NMT2: variants seen among roughly 807,000 people sequenced by gnomAD.
The protein encoded by NMT2 is N-myristoyltransferase 2.
A neutral mutation model predicts 65.4 loss-of-function variants in NMT2; 35 were observed. The observed-to-expected ratio is 0.54, with a 90% CI of 0.41 to 0.71. The LOEUF is 0.71. Ranked by LOEUF, NMT2 falls within the 30% of genes least tolerant of loss-of-function variation. The pLI is 0.00. For synonymous variants in NMT2, 226 were observed against 231.8 expected, an observed-to-expected ratio of 0.98 and a Z score of 0.23; for missense variants, 489 against 611.3, an observed-to-expected ratio of 0.80 and a Z score of 2.11.
At chr10:15,159,399 T>A (rs1833110024) in intron 1 of NMT2, among the ~76,000 whole-genome samples, 1 of 112,890 alleles carries the variant, frequency 8.9e-6, no homozygotes, top group Admixed American at 7.9e-5. Context: ...CCTTAAAATA[T>A]TTATTTATTT....
At chr10:15,157,527 G>A (rs926678381) in intron 1 of NMT2, among the ~76,000 whole-genome samples, 1 of 152,136 alleles carries the variant, frequency 6.6e-6, no homozygotes, top group Non-Finnish European at 1.5e-5. Flanking sequence ...GGGGGCAGGG[G>A]GCAGAGGCTC....
At chr10:15,155,306 G>A in intron 1 of NMT2, 2 of 1,316,330 alleles carry the variant, frequency 1.5e-6, no homozygotes, top group Non-Finnish European at 2.2e-6. Flanking sequence ...TGAAGAACAT[G>A]GTGGGGTTGA....
At chr10:15,116,453 C>G (rs545719661) in intron 9 of NMT2, among the ~76,000 whole-genome samples, 2 of 152,256 alleles carry the variant, frequency 1.3e-5, no homozygotes, top group African/African-American at 4.8e-5. Flanking sequence ...ACTGATAGAA[C>G]TAAATGCTTA....
chr10:15,135,529 C>T (rs1216635717), intron 2 of NMT2, 111 bp from the exon 3 acceptor site: 7 of 1,100,368 alleles, frequency 6.4e-6, no homozygotes, highest in African/African-American at 1.6e-5. Context: ...CACTAACAAT[C>T]CTCCTCCAAG....
At chr10:15,127,546 C>CAAAAAAAAAAAA (rs1239422956) in intron 8 of NMT2, among the ~76,000 whole-genome samples, 102 of 51,230 alleles carry the variant, frequency 2.0e-3, no homozygotes, top group African/African-American at 2.5e-3. Context: ...GACTCCGTCT[C>CAAAAAAAAAAAA]AAAAAAAAAA....
intron 9 of NMT2, among the ~76,000 whole-genome samples, chr10:15,113,876 A>G (rs1589291862): frequency 6.6e-6 from 1 of 152,210 alleles, no homozygotes. Flanking sequence ...AAAGCTTCCA[A>G]TACAAGAAAT....
At chr10:15,124,765 C>G (rs1364312640) in intron 8 of NMT2, among the ~76,000 whole-genome samples, 1 of 152,142 alleles carries the variant, frequency 6.6e-6, no homozygotes, top group Non-Finnish European at 1.5e-5. Context: ...AGGCAGACAC[C>G]CAAGGGACTG....
intron 7 of NMT2, among the ~76,000 whole-genome samples, chr10:15,129,491 A>T (rs760709962): frequency 6.6e-6 from 1 of 152,214 alleles, no homozygotes; most frequent in Non-Finnish European, 1.5e-5. Context: ...ACAAACAAAT[A>T]CATCTGAGGC....
chr10:15,113,063 G>A, intron 9 of NMT2, 100 bp from the exon 10 acceptor site: 1 of 1,236,766 alleles, frequency 8.1e-7, no homozygotes, highest in Non-Finnish European at 1.2e-6. Flanking sequence ...AGAACGAAAA[G>A]CAGTAAGTCA....
At chr10:15,147,873 T>C (rs543706265) in intron 1 of NMT2, among the ~76,000 whole-genome samples, 1 of 152,286 alleles carries the variant, frequency 6.6e-6, no homozygotes, top group Admixed American at 6.5e-5. Flanking sequence ...GTACAAACCA[T>C]AAGAGATAAT....
intron 8 of NMT2, among the ~76,000 whole-genome samples, chr10:15,123,484 G>A (rs1236785822): frequency 2.2e-5 from 3 of 137,530 alleles, no homozygotes; most frequent in Non-Finnish European, 3.0e-5. Flanking sequence ...AGCCAAGATC[G>A]CATCACTGCA....
Position 15,106,641 on chromosome 10 carries a change from G to A in NMT2, c.*2554C>T. 1 of 985,368 alleles carries A rather than the reference G, an allele frequency of 1.0e-6. No homozygotes were observed. Among genetic ancestry groups the A allele is most frequent in the Non-Finnish European group, 1.2e-6 (1 of 829,922 alleles). The allele number at this position is 985,368 out of a possible 1,614,324, so 61.0% of individuals were successfully genotyped here. A position where few individuals can be genotyped will look rare whatever the true frequency, so the allele number is the denominator to read the frequency against. On this transcript the variant is annotated 3_prime_UTR_variant, in exon 12 of 12. Coordinates refer to ENST00000378165, the MANE Select transcript of NMT2 (RefSeq NM_004808.3). ...CTGTGGGTTGGTCTTTAGAATCACGGCAACCTATAGAAAGGAGAGTTCCAA... is the reference window on the plus strand; with the variant it reads ...CTGTGGGTTGGTCTTTAGAATCACGACAACCTATAGAAAGGAGAGTTCCAA...
At chr10:15,127,932 G>A (rs895680569) in intron 8 of NMT2, among the ~76,000 whole-genome samples, 2 of 151,858 alleles carry the variant, frequency 1.3e-5, no homozygotes, top group African/African-American at 4.8e-5. Context: ...TTCACATTGA[G>A]AACGAGATAG....
Position 15,107,837 on chromosome 10 carries a change from C to T in NMT2, c.*1358G>A. 1.0e-6 allele frequency: 1 copy of T among 985,718 alleles called. No homozygotes were observed. The highest frequency in any genetic ancestry group is 6.1e-5 in the Admixed American group (1 of 16,266). The allele number at this position is 985,718 out of a possible 1,614,324, so 61.1% of individuals were successfully genotyped here. On this transcript the variant is annotated 3_prime_UTR_variant, in exon 12 of 12. Transcript: ENST00000378165. Reference sequence around the variant, plus strand: ...TCTTATTTTTCCCGCAGATTATTGGCAATATAAACACACATCTGTAAGCCA... The same window carrying T: ...TCTTATTTTTCCCGCAGATTATTGGTAATATAAACACACATCTGTAAGCCA...
intron 1 of NMT2, among the ~76,000 whole-genome samples, chr10:15,155,768 G>A (rs1832978479): frequency 6.6e-6 from 1 of 151,880 alleles, no homozygotes; most frequent in Admixed American, 6.6e-5. Flanking sequence ...AGCACTTTAT[G>A]GCTTCTCTAT....
At chr10:15,141,225 A>C in intron 2 of NMT2, 197 bp downstream of exon 2, 1 of 798,166 alleles carries the variant, frequency 1.3e-6, no homozygotes. Context: ...CACACACAAA[A>C]GCACAGTGTA....
intron 8 of NMT2, among the ~76,000 whole-genome samples, chr10:15,123,232 A>G (rs1487025262): frequency 3.3e-5 from 5 of 152,216 alleles, no homozygotes; most frequent in African/African-American, 9.6e-5. Context: ...TTGCTGACTA[A>G]TAGCTAAAAT....
At chr10:15,150,262 G>T (rs1224605778) in intron 1 of NMT2, among the ~76,000 whole-genome samples, 1 of 152,140 alleles carries the variant, frequency 6.6e-6, no homozygotes, top group South Asian at 2.1e-4. Flanking sequence ...TGGATCAGGG[G>T]CACCCATCTT....
chr10:15,133,355 T>C lies in NMT2; in HGVS notation c.400A>G (p.Ile134Val), dbSNP rs770433312. 16 of 1,603,800 alleles carry C rather than the reference T, an allele frequency of 1.0e-5. No homozygotes were observed. Among genetic ancestry groups the C allele is most frequent in the African/African-American group, 1.3e-5 (1 of 74,714 alleles). ...TQPVPKLDEVITSHGAIEPDK... is the reference protein window; with the variant it reads ...TQPVPKLDEVVTSHGAIEPDK... ...GGTTCAATTGCACCATGAGATGTTA[T>C]GACTTCATCTGAACAGGGAGAGAAA... The change falls in exon 4 of 12, where the codon ATA becomes GTA. Residue 134 changes from isoleucine (I) to valine (V), a missense_variant. Coordinates refer to ENST00000378165, the MANE Select transcript of NMT2 (RefSeq NM_004808.3).
Sources: allele counts gnomAD v4.1 joint callset (sites outside exome capture counted in the v4.1 genomes callset), GRCh38; gene constraint gnomAD v4.1.1; transcripts MANE v1.5; gene names NCBI Gene and HGNC (gene_info 2026-07-23, HGNC 2026-07-21).